TMOD1: variants seen among roughly 807,000 people sequenced by gnomAD.
The protein encoded by TMOD1 is tropomodulin-1.
Under a neutral mutation model 40.6 loss-of-function variants are expected in TMOD1, and 17 were observed. The observed-to-expected ratio is 0.42, with a 90% CI of 0.29 to 0.63. TMOD1 has a LOEUF of 0.63. Among genes scored for constraint, TMOD1 ranks in the 20% least tolerant of loss-of-function variants. The pLI is 0.22. For synonymous variants in TMOD1, 181 were observed against 175.0 expected (o/e 1.03, Z -0.27); for missense variants, 391 against 447.6 (o/e 0.87, Z 1.14).
intron 9 of TMOD1, among the ~76,000 whole-genome samples, chr9:97,595,612 C>T (rs1826094611): frequency 7.2e-6 from 1 of 139,350 alleles, no homozygotes; most frequent in East Asian, 2.1e-4. Flanking sequence ...TTTATCCATT[C>T]TTGTTGATAG....
intron 9 of TMOD1, among the ~76,000 whole-genome samples, chr9:97,598,862 C>T (rs1003658887): frequency 1.3e-5 from 2 of 152,164 alleles, no homozygotes; most frequent in African/African-American, 4.8e-5. Flanking sequence ...GCAGGCCTCT[C>T]GACTGCCACC....
At chr9:97,520,884 C>A (rs532329500) in intron 1 of TMOD1, among the ~76,000 whole-genome samples, 1 of 152,202 alleles carries the variant, frequency 6.6e-6, no homozygotes, top group African/African-American at 2.4e-5. Flanking sequence ...TTTCCCAGCC[C>A]CTTTTCCCCA....
chr9:97,519,606 G>C (rs538052427), intron 1 of TMOD1, among the ~76,000 whole-genome samples: 1 of 152,086 alleles, frequency 6.6e-6, no homozygotes, highest in African/African-American at 2.4e-5. Context: ...CAATCTTGCC[G>C]TGGTAAAGAT....
intron 9 of TMOD1, among the ~76,000 whole-genome samples, chr9:97,596,511 G>A (rs1460254902): frequency 6.6e-6 from 1 of 152,206 alleles, no homozygotes; most frequent in Non-Finnish European, 1.5e-5. Context: ...AGGTGCTATT[G>A]TTATCCACAC....
rs757778915 is a variant in TMOD1 at position 97,599,837 on chromosome 9, G to A, written c.*139G>A. Reference sequence around the variant, plus strand: ...AGTTCTTTATGCACTAAGGTTTTAGGTTGACTAGTGGTTGTAGTTGAAAAT... The same window carrying A: ...AGTTCTTTATGCACTAAGGTTTTAGATTGACTAGTGGTTGTAGTTGAAAAT... On this transcript the variant is annotated 3_prime_UTR_variant, in exon 10 of 10. Coordinates refer to ENST00000259365, the MANE Select transcript of TMOD1 (RefSeq NM_003275.4). 1 of 1,482,556 alleles carries A rather than the reference G, an allele frequency of 6.7e-7. No homozygotes were observed. The highest frequency in any genetic ancestry group is 9.0e-7 in the Non-Finnish European group (1 of 1,107,904). The allele number at this position is 1,482,556 out of a possible 1,614,324, so 91.8% of individuals were successfully genotyped here. A position where few individuals can be genotyped will look rare whatever the true frequency, so the allele number is the denominator to read the frequency against.
intron 8 of TMOD1, among the ~76,000 whole-genome samples, chr9:97,569,714 C>A (rs1251667457): frequency 6.6e-6 from 1 of 152,156 alleles, no homozygotes; most frequent in African/African-American, 2.4e-5. Context: ...ATCTTACATC[C>A]ATCATCTTTG....
rs780049684 is a variant in TMOD1 at position 97,546,165 on chromosome 9, C to T, written c.121-20C>T. ...CTCTCTCTTTCTCTCTCTCCTGCCC[C>T]CCCACAACCTCCAATGTAGAATGCA... On this transcript the variant is annotated intron_variant, in intron 2 of 9. Transcript: ENST00000259365. 17 of 1,594,276 alleles carry T rather than the reference C, an allele frequency of 1.1e-5. No individual in the cohort carries two copies. Among genetic ancestry groups the T allele is most frequent in the Non-Finnish European group, 1.3e-5 (15 of 1,173,328 alleles).
At chr9:97,559,797 ATATATATAT>A (rs2131261866) in intron 4 of TMOD1, among the ~76,000 whole-genome samples, 1 of 57,282 alleles carries the variant, frequency 1.7e-5, no homozygotes, top group South Asian at 5.2e-4. Context: ...AAAAAAAAAT[ATATATATAT>A]ATATATATAT....
At chr9:97,538,957 A>G (rs1830233794) in intron 2 of TMOD1, among the ~76,000 whole-genome samples, 1 of 152,170 alleles carries the variant, frequency 6.6e-6, no homozygotes, top group African/African-American at 2.4e-5. Flanking sequence ...GTGAGCTGAG[A>G]TAGCACCACT....
intron 7 of TMOD1, 26 bp from the exon 8 acceptor site, chr9:97,568,868 A>G: frequency 6.2e-7 from 1 of 1,611,926 alleles, no homozygotes. Flanking sequence ...ACTCATGGGT[A>G]TCCTTGCTTT....
rs552417181 is a variant in TMOD1, at chr9:97,502,723, C to T, written c.-49+920C>T. Among the ~76,000 whole-genome samples the T allele has an allele frequency of 6.6e-6, 1 of 152,276 alleles. No homozygotes were observed. The highest frequency in any genetic ancestry group is 1.9e-4 in the East Asian group (1 of 5,170). On this transcript the variant is annotated intron_variant, in intron 1 of 9. Coordinates refer to ENST00000259365, the MANE Select transcript of TMOD1 (RefSeq NM_003275.4). The surrounding 1 kb of genome is among the most constrained non-coding windows in gnomAD (Gnocchi z 6.1). Reference sequence around the variant, plus strand: ...GTATCCTGGGACTCACTAAGGCCGTCGGATATCCTAAGCCGTACAACCCTA... The same window carrying T: ...GTATCCTGGGACTCACTAAGGCCGTTGGATATCCTAAGCCGTACAACCCTA...
At chr9:97,595,397 T>A (rs1826089243) in intron 9 of TMOD1, among the ~76,000 whole-genome samples, 1 of 152,234 alleles carries the variant, frequency 6.6e-6, no homozygotes, top group Non-Finnish European at 1.5e-5. Flanking sequence ...GCTTCTGTAA[T>A]GACAGTTTTA....
Position 97,594,215 on chromosome 9 carries a change from A to G in TMOD1, c.1015+2780A>G, listed in dbSNP as rs528311054. On this transcript the variant is annotated intron_variant, in intron 9 of 9. Coordinates refer to ENST00000259365, the MANE Select transcript of TMOD1 (RefSeq NM_003275.4). ...TTCCTACAGAAGGAATTAGAGATGA[A>G]TCATCTCAGTGATTACAGGGAACAG... Among the ~76,000 whole-genome samples the G allele has an allele frequency of 1.6e-3, 242 of 152,326 alleles. 2 individuals are homozygous for G. The highest frequency in any genetic ancestry group is 5.6e-3 in the African/African-American group (231 of 41,574).
chr9:97,573,830 C>G (rs1390638331), intron 8 of TMOD1, among the ~76,000 whole-genome samples: 3 of 152,152 alleles, frequency 2.0e-5, no homozygotes, highest in Admixed American at 2.0e-4. Flanking sequence ...TATGACCCAG[C>G]CTCGGAAGTT....
At chr9:97,530,887 A>G (rs1172003975) in intron 2 of TMOD1, among the ~76,000 whole-genome samples, 2 of 143,068 alleles carry the variant, frequency 1.4e-5, no homozygotes, top group African/African-American at 5.3e-5. Flanking sequence ...TCCTAGGTTC[A>G]AGTGATTCTC....
intron 8 of TMOD1, among the ~76,000 whole-genome samples, chr9:97,577,615 C>G (rs912394712): frequency 6.6e-6 from 1 of 151,980 alleles, no homozygotes; most frequent in Admixed American, 6.6e-5. Flanking sequence ...TGGTAAAACC[C>G]CATCTCTACT....
intron 8 of TMOD1, among the ~76,000 whole-genome samples, chr9:97,577,284 G>C (rs988551314): frequency 2.0e-5 from 3 of 150,274 alleles, no homozygotes; most frequent in Non-Finnish European, 4.4e-5. Flanking sequence ...ATTCCTCCAT[G>C]CTGAGCCAAA....
Position 97,601,371 on chromosome 9 carries a change from G to C in TMOD1, c.*1673G>C. 9.2e-7 allele frequency: 1 copy of C among 1,087,286 alleles called. No individual in the cohort carries two copies. Among genetic ancestry groups the C allele is most frequent in the Non-Finnish European group, 1.1e-6 (1 of 886,664 alleles). The allele number at this position is 1,087,286 out of a possible 1,614,324, so 67.4% of individuals were successfully genotyped here. On this transcript the variant is annotated 3_prime_UTR_variant, in exon 10 of 10. Transcript: ENST00000259365. ...GATGACCTCAGTAAGAATGTGTCAT[G>C]TATTCCAGGTGCTGATCTAAAAACT...
intron 8 of TMOD1, among the ~76,000 whole-genome samples, chr9:97,578,272 C>G (rs1825656591): frequency 6.6e-6 from 1 of 152,186 alleles, no homozygotes; most frequent in South Asian, 2.1e-4. Context: ...CCAGGATGGT[C>G]TCGATCTCCT....
Sources: allele counts gnomAD v4.1 joint callset (sites outside exome capture counted in the v4.1 genomes callset), GRCh38; gene constraint gnomAD v4.1.1; non-coding constraint Gnocchi (gnomAD v3.1); transcripts MANE v1.5; gene names NCBI Gene and HGNC (gene_info 2026-07-23, HGNC 2026-07-21).